Variants in ZNF90 observed in about 807,000 individuals in gnomAD.
The protein encoded by ZNF90 is zinc finger protein HTF9.
In ZNF90, 11 loss-of-function variants were observed where a neutral mutation model predicts 12.0. The ratio of observed to expected loss-of-function variants is 0.92; its 90% CI spans 0.58 to 1.52. ZNF90 has a LOEUF of 1.52. Ranked by LOEUF, ZNF90 falls within the 40% of genes most tolerant of loss-of-function variation. The pLI, the probability that ZNF90 is intolerant of heterozygous loss-of-function variation, is 0.00. For synonymous variants in ZNF90, 232 were observed against 240.1 expected (o/e 0.97, Z 0.31); for missense variants, 765 against 711.5 (o/e 1.08, Z -0.86).
At chr19:20,087,735 A>G (rs1481355435) in intron 1 of ZNF90, among the ~76,000 whole-genome samples, 8 of 152,216 alleles carry the variant, frequency 5.3e-5, no homozygotes, top group African/African-American at 9.6e-5. Flanking sequence ...TGTGTGAGCA[A>G]TAAAGCTTTT....
chr19:20,078,220 C>A (rs1410556275), intron 1 of ZNF90, 85 bp downstream of exon 1: 1 of 1,558,488 alleles, frequency 6.4e-7, no homozygotes, highest in African/African-American at 1.4e-5. Flanking sequence ...CTTAGGCCTC[C>A]CCGCAGTCAG....
chr19:20,104,602 C>T (rs2089016721), intron 2 of ZNF90, among the ~76,000 whole-genome samples: 1 of 152,076 alleles, frequency 6.6e-6, no homozygotes, highest in African/African-American at 2.4e-5. Context: ...GTGGTAATTC[C>T]AGAAATTTAG....
intron 3 of ZNF90, among the ~76,000 whole-genome samples, chr19:20,117,390 T>C (rs984363008): frequency 1.3e-5 from 2 of 151,304 alleles, no homozygotes; most frequent in Admixed American, 6.6e-5. Flanking sequence ...TTCTTTTCTT[T>C]TCTTTTCTCC....
Position 20,119,608 on chromosome 19 carries a change from A to C in ZNF90, c.*248A>C. The stretch of plus-strand genomic sequence containing the variant: ...TGTGAAAAATGCAGCAAAGCCTATA[A>C]CAAGTTCTCAATTCTTTTTTTTTTT... On this transcript the variant is annotated 3_prime_UTR_variant, in exon 4 of 4. Transcript: ENST00000418063. 2.5e-6 allele frequency: 1 copy of C among 393,292 alleles called. No homozygotes were observed. 24.4% of individuals were successfully genotyped at this position (393,292 alleles called of 1,614,324 possible).
intron 3 of ZNF90, among the ~76,000 whole-genome samples, chr19:20,106,055 T>A (rs1336236416): frequency 6.7e-6 from 1 of 148,468 alleles, no homozygotes; most frequent in Non-Finnish European, 1.5e-5. Flanking sequence ...TTTTTTTTTT[T>A]TTTTTTTTTT....
In ZNF90 at chr19:20,085,453, G is replaced by A. The variant is rs578256959; in HGVS notation, c.3+7318G>A. Reference sequence around the variant, plus strand: ...TTTTTTGTATTTTTAGTAGAGATGGGGTTTCACCGGGCTAGCCAGGATGGT... The same window carrying A: ...TTTTTTGTATTTTTAGTAGAGATGGAGTTTCACCGGGCTAGCCAGGATGGT... On this transcript the variant is annotated intron_variant, in intron 1 of 3. Transcript: ENST00000418063. Among the ~76,000 whole-genome samples the A allele has an allele frequency of 3.0e-4, 46 of 151,884 alleles. 3 individuals carry two copies. The highest frequency in any genetic ancestry group is 2.7e-3 in the South Asian group (13 of 4,796).
intron 1 of ZNF90, among the ~76,000 whole-genome samples, chr19:20,090,743 G>A (rs1374580343): frequency 1.3e-5 from 2 of 152,158 alleles, no homozygotes; most frequent in Non-Finnish European, 2.9e-5. Flanking sequence ...GATGAGGCTG[G>A]GGCCAAGCAA....
intron 1 of ZNF90, among the ~76,000 whole-genome samples, chr19:20,090,970 A>G (rs1038257434): frequency 9.9e-5 from 15 of 152,274 alleles, no homozygotes; most frequent in Admixed American, 8.5e-4. Flanking sequence ...ACTGAATACC[A>G]AGAGCCTGAG....
intron 1 of ZNF90, among the ~76,000 whole-genome samples, chr19:20,078,857 T>C (rs917920448): frequency 5.9e-5 from 9 of 152,076 alleles, no homozygotes; most frequent in Non-Finnish European, 1.3e-4. Context: ...GCGCGGTGGC[T>C]CCTGCCTGTA....
At chr19:20,111,022 G>T (rs2089084364) in intron 3 of ZNF90, among the ~76,000 whole-genome samples, 4 of 152,132 alleles carry the variant, frequency 2.6e-5, no homozygotes, top group Admixed American at 2.6e-4. Context: ...GATGTCTAGT[G>T]TAGTTAAACT....
intron 1 of ZNF90, among the ~76,000 whole-genome samples, chr19:20,078,377 C>G (rs1053279611): frequency 6.6e-6 from 1 of 152,084 alleles, no homozygotes; most frequent in Non-Finnish European, 1.5e-5. Flanking sequence ...CAGCTCTGCA[C>G]CCACAGCGCT....
At chr19:20,094,518 T>A (rs973491067) in intron 1 of ZNF90, among the ~76,000 whole-genome samples, 9 of 152,212 alleles carry the variant, frequency 5.9e-5, no homozygotes, top group African/African-American at 1.2e-4. Context: ...GCTGCTTTTT[T>A]AAGCCCTTCA....
rs543685923 is a variant in ZNF90, at chr19:20,115,560, ATAACT to A, written c.227-2217_227-2213del. 2.3e-3 allele frequency among the ~76,000 whole-genome samples: 345 copies of A among 152,024 alleles called. 1 individual carries two copies. The highest frequency in any genetic ancestry group is 0.02 in the Middle Eastern group (6 of 294). On this transcript the variant is annotated intron_variant, in intron 3 of 3. Transcript: ENST00000418063. Reference sequence around the variant, plus strand: ...CAATATATTTGAATGTGGTAAAAAAATAACTTAAGTTATATGCAAAAATTCTTCAT... The same window carrying A: ...CAATATATTTGAATGTGGTAAAAAAATAAGTTATATGCAAAAATTCTTCAT...
At chr19:20,092,617 A>G (rs1448945866) in intron 1 of ZNF90, among the ~76,000 whole-genome samples, 1 of 152,220 alleles carries the variant, frequency 6.6e-6, no homozygotes, top group African/African-American at 2.4e-5. Context: ...TGGCAAAACC[A>G]GGTATCCAAA....
intron 1 of ZNF90, among the ~76,000 whole-genome samples, chr19:20,096,043 C>T (rs1234250250): frequency 1.3e-5 from 2 of 152,232 alleles, no homozygotes; most frequent in East Asian, 1.9e-4. Context: ...ATGGATAAAA[C>T]GTGTCTCCTT....
At chr19:20,104,646 C>G (rs2089017276) in intron 2 of ZNF90, among the ~76,000 whole-genome samples, 1 of 152,156 alleles carries the variant, frequency 6.6e-6, no homozygotes, top group Non-Finnish European at 1.5e-5. Flanking sequence ...ACCTGAAAAT[C>G]TAATTGCCAC....
At chr19:20,117,141 C>G (rs2122528682) in intron 3 of ZNF90, among the ~76,000 whole-genome samples, 1 of 151,802 alleles carries the variant, frequency 6.6e-6, no homozygotes, top group South Asian at 2.1e-4. Context: ...CTCCACAGTT[C>G]AAGCAATTCT....
chr19:20,119,396 CAT>C lies in ZNF90; in HGVS notation c.*38_*39del, dbSNP rs1555706331. ...AACCCTTAATAAACATAAGATAATT[CAT>C]ACTGGAGAGAAACCGTATAAATGTG... On this transcript the variant is annotated 3_prime_UTR_variant, in exon 4 of 4. Coordinates refer to ENST00000418063, the MANE Select transcript of ZNF90 (RefSeq NM_007138.2). The C allele has an allele frequency of 7.9e-6, 12 of 1,516,778 alleles. No individual in the cohort carries two copies. The highest frequency in any genetic ancestry group is 9.8e-6 in the Non-Finnish European group (11 of 1,125,014). The allele number at this position is 1,516,778 out of a possible 1,614,324, so 94.0% of individuals were successfully genotyped here. A position where few individuals can be genotyped will look rare whatever the true frequency, so the allele number is the denominator to read the frequency against.
chr19:20,109,565 A>C (rs182818052), intron 3 of ZNF90, among the ~76,000 whole-genome samples: 121 of 152,268 alleles, frequency 7.9e-4, no homozygotes, highest in African/African-American at 2.7e-3. Context: ...TACCATCTTA[A>C]ATTTATTAAA....
Sources: gnomAD v4.1 joint callset for allele counts (sites outside exome capture counted in the v4.1 genomes callset) on GRCh38, gnomAD v4.1.1 for gene constraint, MANE v1.5 for transcripts, NCBI Gene and HGNC (gene_info 2026-07-23, HGNC 2026-07-21) for gene names.